Variants in IGDCC3 observed in about 807,000 individuals in gnomAD.
The protein encoded by IGDCC3 is immunoglobulin superfamily DCC subclass member 3, also known as putative neuronal cell adhesion molecule.
In IGDCC3, 47 loss-of-function variants were observed where a neutral mutation model predicts 72.0. That is an observed-to-expected ratio of 0.65 (90% confidence interval 0.52 to 0.83). IGDCC3 has a LOEUF of 0.83. IGDCC3 is among the 40% of genes least tolerant of loss of function. IGDCC3 has a pLI of 0.00. For synonymous variants in IGDCC3, 477 were observed against 472.8 expected (o/e 1.01, Z -0.11); for missense variants, 1,038 against 1,091.3 (o/e 0.95, Z 0.69).
chr15:65,327,227 C>T lies in IGDCC3; in HGVS notation c.*1682G>A, dbSNP rs1036471711. The T allele has an allele frequency of 1.3e-5, 2 of 152,790 alleles. No homozygotes were observed. The highest frequency in any genetic ancestry group is 2.4e-5 in the African/African-American group (1 of 41,468). 9.5% of individuals were successfully genotyped at this position (152,790 alleles called of 1,614,324 possible). A position where few individuals can be genotyped will look rare whatever the true frequency, so the allele number is the denominator to read the frequency against. On this transcript the variant is annotated 3_prime_UTR_variant, in exon 14 of 14. Coordinates refer to ENST00000327987, the MANE Select transcript of IGDCC3 (RefSeq NM_004884.4). ...CCCCAGCCCCCTCCTGCCCCAGCCG[C>T]ACCCTTCCCAAGGGAGAGGGAGGCT...
intron 2 of IGDCC3, among the ~76,000 whole-genome samples, chr15:65,368,436 T>C (rs985545627): frequency 1.3e-5 from 2 of 152,020 alleles, no homozygotes; most frequent in Non-Finnish European, 2.9e-5. Flanking sequence ...TTGCACATTG[T>C]GTTTAAGGGG....
chr15:65,337,953 G>T (rs1457726810), intron 2 of IGDCC3, among the ~76,000 whole-genome samples: 1 of 152,176 alleles, frequency 6.6e-6, no homozygotes, highest in Non-Finnish European at 1.5e-5. Context: ...CCCCATCCTG[G>T]GCTCCCTGGA....
chr15:65,336,473 AC>A (rs916268870), intron 2 of IGDCC3, among the ~76,000 whole-genome samples: 1 of 151,984 alleles, frequency 6.6e-6, no homozygotes, highest in African/African-American at 2.4e-5. Flanking sequence ...CCCAGCAGGG[AC>A]ACTGGTCATC....
rs552138044 is a variant in IGDCC3 at position 65,367,531 on chromosome 15, TAATAAAATAA to T, written c.409+7556_409+7565del. Among the ~76,000 whole-genome samples the T allele has an allele frequency of 6.6e-5, 10 of 151,490 alleles. No homozygotes were observed. In the South Asian group the frequency reaches 2.1e-3, roughly 32 times the overall value. On this transcript the variant is annotated intron_variant, in intron 2 of 13. Coordinates refer to ENST00000327987, the MANE Select transcript of IGDCC3 (RefSeq NM_004884.4). ...ACCCTAAAACTTAAAAGTATAATAA[TAATAAAATAA>T]AATAAAATAAAAAGGAAAACTATGG...
chr15:65,355,516 C>T (rs2091210546), intron 2 of IGDCC3, among the ~76,000 whole-genome samples: 1 of 149,838 alleles, frequency 6.7e-6, no homozygotes, highest in Non-Finnish European at 1.5e-5. Flanking sequence ...AGGGCGCGAG[C>T]CCGGAGGACG....
intron 2 of IGDCC3, among the ~76,000 whole-genome samples, chr15:65,347,726 T>C (rs947468933): frequency 2.6e-5 from 4 of 151,656 alleles, no homozygotes; most frequent in Admixed American, 2.6e-4. Flanking sequence ...AGGTCAGGAG[T>C]TCGAGACCAG....
rs145256493 is a variant in IGDCC3 at position 65,330,315 on chromosome 15, C to A, written c.1836G>T (p.Leu612Phe). The A allele has an allele frequency of 5.0e-6, 8 of 1,613,728 alleles. No individual in the cohort carries two copies. In the African/African-American group the frequency reaches 1.1e-4, roughly 22 times the overall value. Residue 612 changes from leucine (L) to phenylalanine (F), a missense_variant, in exon 11 of 14, where the codon TTG becomes TTT. Physicochemically the swap from Leu to Phe is conservative, Grantham distance 22 (BLOSUM62 0). Transcript: ENST00000327987. ...DGNATVRFVS[L>F]RGASERTALS... ...CACCTGTCCTCTCAGATGCTCCCCT[C>A]AAAGACACAAAGCGGACTGTGGCAT...
Position 65,375,130 on chromosome 15 carries a change from C to A in IGDCC3, c.376G>T (p.Val126Leu). 1.2e-6 allele frequency: 2 copies of A among 1,613,818 alleles called. No individual in the cohort carries two copies. Among genetic ancestry groups the A allele is most frequent in the South Asian group, 1.1e-5 (1 of 91,070 alleles). The change falls in exon 2 of 14, where the codon GTG becomes TTG. Residue 126 changes from valine (V) to leucine (L), a missense_variant. Coordinates refer to ENST00000327987, the MANE Select transcript of IGDCC3 (RefSeq NM_004884.4). ...TGGATGCGAGCCTTCCGGCTGACCA[C>A]CAGCCCAAAGCGGTTCTGGGCCACA... Reference protein sequence around the residue: ...ECVAQNRFGLVVSRKARIQAA... With the variant: ...ECVAQNRFGLLVSRKARIQAA...
At chr15:65,372,268 G>A (rs1209250130) in intron 2 of IGDCC3, among the ~76,000 whole-genome samples, 1 of 152,218 alleles carries the variant, frequency 6.6e-6, no homozygotes, top group Non-Finnish European at 1.5e-5. Flanking sequence ...AGGAAACTGG[G>A]ATGAGGGAGC....
chr15:65,361,054 G>A (rs2091256959), intron 2 of IGDCC3, among the ~76,000 whole-genome samples: 1 of 152,022 alleles, frequency 6.6e-6, no homozygotes, highest in Admixed American at 6.6e-5. Flanking sequence ...GAGATTACAG[G>A]CCATGAGCCA....
At chr15:65,330,885 C>T (rs1287354490) in intron 9 of IGDCC3, 144 bp from the exon 10 acceptor site, 1 of 1,093,390 alleles carries the variant, frequency 9.1e-7, no homozygotes, top group Non-Finnish European at 1.3e-6. Flanking sequence ...CAGCACCTTC[C>T]TAGGAATTAG....
chr15:65,375,203 G>A lies in IGDCC3; in HGVS notation c.303C>T (p.Phe101=), dbSNP rs1156588497. ...LANGSLMIRH[F]RLEPGGSPSD... ...AAGGGCTGCCTCCCGGCTCCAGCCT[G>A]AAGTGACGGATCATCAAGGACCCAT... The change falls in exon 2 of 14, where the codon TTC becomes TTT. Residue 101 remains phenylalanine (F), a synonymous_variant. Transcript: ENST00000327987. 1 of 1,614,244 alleles carries A rather than the reference G, an allele frequency of 6.2e-7. No individual in the cohort carries two copies. The highest frequency in any genetic ancestry group is 2.2e-5 in the East Asian group (1 of 44,880).
intron 2 of IGDCC3, among the ~76,000 whole-genome samples, chr15:65,367,269 C>T (rs2091292661): frequency 6.6e-6 from 1 of 150,920 alleles, no homozygotes; most frequent in Middle Eastern, 3.4e-3. Flanking sequence ...TCACTTGAAC[C>T]CCAGGAGGCG....
chr15:65,355,806 C>T (rs1028569605), intron 2 of IGDCC3: 2 of 453,100 alleles, frequency 4.4e-6, no homozygotes, highest in Non-Finnish European at 8.9e-6. Context: ...CCTCGCACGC[C>T]AAACGAGGGT....
intron 2 of IGDCC3, among the ~76,000 whole-genome samples, chr15:65,364,064 AG>A (rs1361518148): frequency 6.6e-6 from 1 of 151,976 alleles, no homozygotes; most frequent in Non-Finnish European, 1.5e-5. Flanking sequence ...CACCTTGGCC[AG>A]GGTTCTAAGC....
At chr15:65,352,368 AGGACTCAGTT>A (rs1236388374) in intron 2 of IGDCC3, among the ~76,000 whole-genome samples, 1 of 152,260 alleles carries the variant, frequency 6.6e-6, no homozygotes, top group Non-Finnish European at 1.5e-5. Context: ...CTTTTGTAAC[AGGACTCAGTT>A]GGAGAAACTG....
At chr15:65,350,650 T>G (rs577376375) in intron 2 of IGDCC3, among the ~76,000 whole-genome samples, 1 of 151,646 alleles carries the variant, frequency 6.6e-6, no homozygotes, top group Admixed American at 6.6e-5. Flanking sequence ...TTAGTAGAGA[T>G]AGGGTTTAAC....
At chr15:65,351,066 G>T (rs972740078) in intron 2 of IGDCC3, among the ~76,000 whole-genome samples, 6 of 152,182 alleles carry the variant, frequency 3.9e-5, no homozygotes, top group Non-Finnish European at 7.3e-5. Context: ...ACAAGGTGTA[G>T]AAGGTTCATA....
rs1397191658 is a variant in IGDCC3 at position 65,329,747 on chromosome 15, A to G, written c.1976T>C (p.Leu659Pro). 1.2e-6 allele frequency: 2 copies of G among 1,614,090 alleles called. No homozygotes were observed. Among genetic ancestry groups the G allele is most frequent in the African/African-American group, 1.3e-5 (1 of 75,006 alleles). ...VTCIIFCVLF[L>P]LFGQRGRVLL... Reference sequence around the variant, plus strand: ...CCACCTGCCCCTTTGGCCGAACAGGAGGAAGAGGACACAGAAGATGATGCA... The same window carrying G: ...CCACCTGCCCCTTTGGCCGAACAGGGGGAAGAGGACACAGAAGATGATGCA... The change falls in exon 12 of 14, where the codon CTC (leucine) becomes CCC (proline). Residue 659 changes from leucine to proline, a missense_variant. Coordinates refer to ENST00000327987, the MANE Select transcript of IGDCC3 (RefSeq NM_004884.4). The surrounding 1 kb of genome is among the most constrained non-coding windows in gnomAD (Gnocchi z 4.1).
Sources: gnomAD v4.1 joint callset for allele counts (sites outside exome capture counted in the v4.1 genomes callset) on GRCh38, gnomAD v4.1.1 for gene constraint, Gnocchi (gnomAD v3.1) non-coding constraint, MANE v1.5 for transcripts, NCBI Gene and HGNC (gene_info 2026-07-23, HGNC 2026-07-21) for gene names.